The following FNDC3A variants were observed in gnomAD, a reference collection of about 807,000 sequenced individuals.
FNDC3A encodes the protein fibronectin type III domain containing 3A.
Under a neutral mutation model 148.9 loss-of-function variants are expected in FNDC3A, and 32 were observed. The ratio of observed to expected loss-of-function variants is 0.21; its 90% confidence interval spans 0.16 to 0.29. FNDC3A has a LOEUF of 0.29. FNDC3A is among the 10% of genes least tolerant of loss of function. The pLI, the probability that FNDC3A is intolerant of heterozygous loss-of-function variation, is 1.00. For missense variants in FNDC3A, 1,191 were observed against 1,452.8 expected (o/e 0.82, Z 2.93); for synonymous variants, 472 against 473.6 (o/e 1.00, Z 0.04).
chr13:48,990,013 G>A (rs1951883225), intron 1 of FNDC3A, among the ~76,000 whole-genome samples: 1 of 152,082 alleles, frequency 6.6e-6, no homozygotes, highest in African/African-American at 2.4e-5. Flanking sequence ...GCCTCCCAAA[G>A]TGCTGGGATT....
chr13:49,080,685 C>T (rs1250995109), intron 3 of FNDC3A, among the ~76,000 whole-genome samples: 2 of 152,104 alleles, frequency 1.3e-5, no homozygotes, highest in Admixed American at 1.3e-4. Context: ...GTAGCATGTG[C>T]TAAAGACTAC....
At chr13:49,086,948 A>G (rs746533212) in intron 3 of FNDC3A, among the ~76,000 whole-genome samples, 16 of 152,176 alleles carry the variant, frequency 1.1e-4, no homozygotes, top group Admixed American at 2.0e-4. Flanking sequence ...GTGAATGACT[A>G]TGATTCATTC....
intron 23 of FNDC3A, among the ~76,000 whole-genome samples, chr13:49,199,328 A>ATTTT (rs35601446): frequency 2.3e-5 from 3 of 133,176 alleles, no homozygotes; most frequent in Non-Finnish European, 3.2e-5. Context: ...GACCGAAACA[A>ATTTT]TTTTTTTTTT....
At chr13:49,095,062 A>T (rs192415212) in intron 3 of FNDC3A, among the ~76,000 whole-genome samples, 65 of 152,138 alleles carry the variant, frequency 4.3e-4, no homozygotes, top group Non-Finnish European at 5.7e-4. Flanking sequence ...TAATGTCAAC[A>T]TGAATTTCAT....
intron 4 of FNDC3A, among the ~76,000 whole-genome samples, chr13:49,124,581 T>C (rs1881575474): frequency 1.3e-5 from 2 of 152,066 alleles, no homozygotes; most frequent in Non-Finnish European, 2.9e-5. Context: ...ACTTTACACA[T>C]AAATAACCTC....
intron 5 of FNDC3A, among the ~76,000 whole-genome samples, chr13:49,135,370 A>AT (rs1416920632): frequency 1.3e-5 from 2 of 151,934 alleles, no homozygotes; most frequent in African/African-American, 2.4e-5. Flanking sequence ...ATGAAATCTA[A>AT]TTTTTTCTTT....
At chr13:48,992,965 T>G (rs1250544495) in intron 1 of FNDC3A, among the ~76,000 whole-genome samples, 1 of 152,198 alleles carries the variant, frequency 6.6e-6, no homozygotes, top group Non-Finnish European at 1.5e-5. Context: ...TTCAACTTTG[T>G]TTAATCTACA....
chr13:49,015,038 C>G (rs1952462858), intron 2 of FNDC3A, among the ~76,000 whole-genome samples: 1 of 152,058 alleles, frequency 6.6e-6, no homozygotes, highest in Admixed American at 6.5e-5. Flanking sequence ...AGCGTGATGC[C>G]TCCAGCTTTG....
chr13:49,056,832 A>T (rs1876284629), intron 2 of FNDC3A, among the ~76,000 whole-genome samples: 1 of 152,068 alleles, frequency 6.6e-6, no homozygotes, highest in Admixed American at 6.5e-5. Context: ...GTGTCTTCAG[A>T]TATTTAGACA....
intron 2 of FNDC3A, among the ~76,000 whole-genome samples, chr13:49,027,550 T>C (rs1454993841): frequency 6.6e-6 from 1 of 152,178 alleles, no homozygotes; most frequent in Non-Finnish European, 1.5e-5. Context: ...AAAAATGTAA[T>C]TAGTGTTATA....
intron 4 of FNDC3A, among the ~76,000 whole-genome samples, chr13:49,116,956 A>G (rs756746405): frequency 1.3e-5 from 2 of 152,172 alleles, no homozygotes; most frequent in Non-Finnish European, 2.9e-5. Context: ...GGCCAGTGCA[A>G]GTGGCTAAGA....
Position 49,016,282 on chromosome 13 carries a change from C to T in FNDC3A, c.99+9993C>T, listed in dbSNP as rs539922048. ...ATTGATTATTGCCACAATTTCAGCT[C>T]CTGTTATTGGTCTATTCAGAGATTC... is the stretch of plus-strand genomic sequence containing the variant. On this transcript the variant is annotated intron_variant, in intron 2 of 25. Coordinates refer to ENST00000492622, the MANE Select transcript of FNDC3A (RefSeq NM_001079673.2). Among the ~76,000 whole-genome samples, 578 of 152,188 alleles carry T rather than the reference C, an allele frequency of 3.8e-3. 4 individuals are homozygous for T. The highest frequency in any genetic ancestry group is 0.013 in the African/African-American group (544 of 41,532).
chr13:49,024,177 G>C (rs1437050751), intron 2 of FNDC3A, among the ~76,000 whole-genome samples: 1 of 151,956 alleles, frequency 6.6e-6, no homozygotes, highest in Non-Finnish European at 1.5e-5. Flanking sequence ...ATTGGAACAA[G>C]AAGAAGTAGA....
intron 1 of FNDC3A, among the ~76,000 whole-genome samples, chr13:48,994,646 CGCA>C (rs1951989091): frequency 6.6e-6 from 1 of 151,992 alleles, no homozygotes; most frequent in South Asian, 2.1e-4. Flanking sequence ...GGCGTGGTGG[CGCA>C]TGCCTGTAAT....
intron 3 of FNDC3A, among the ~76,000 whole-genome samples, chr13:49,104,494 AGCCCAGGTG>A (rs55861281): frequency 1 from 151,535 of 152,074 alleles, 75,503 homozygotes; most frequent in Middle Eastern, 1. Flanking sequence ...ACTGCACTCC[AGCCCAGGTG>A]GCCCAGGTGA....
chr13:49,177,905 G>A (rs1274770086), intron 13 of FNDC3A, among the ~76,000 whole-genome samples: 2 of 152,296 alleles, frequency 1.3e-5, no homozygotes, highest in Non-Finnish European at 1.5e-5. Context: ...CCCAAAAAAG[G>A]ACAGGCTTTT....
At chr13:49,091,478 A>T (rs575944091) in intron 3 of FNDC3A, among the ~76,000 whole-genome samples, 63 of 152,348 alleles carry the variant, frequency 4.1e-4, no homozygotes, top group African/African-American at 1.4e-3. Context: ...ATCTGTATGT[A>T]ATCACACATC....
chr13:49,003,628 G>T (rs1457746573), intron 1 of FNDC3A, among the ~76,000 whole-genome samples: 2 of 151,830 alleles, frequency 1.3e-5, no homozygotes, highest in South Asian at 2.1e-4. Flanking sequence ...CTGTCCCAAG[G>T]TTATGAAGAT....
chr13:49,092,404 A>T (rs1879247627), intron 3 of FNDC3A, among the ~76,000 whole-genome samples: 1 of 152,200 alleles, frequency 6.6e-6, no homozygotes, highest in Non-Finnish European at 1.5e-5. Flanking sequence ...ATGTCTCAAC[A>T]GTCTCTCTTT....
Sources: gnomAD v4.1 joint callset for allele counts (sites outside exome capture counted in the v4.1 genomes callset) on GRCh38, gnomAD v4.1.1 for gene constraint, MANE v1.5 for transcripts, NCBI Gene and HGNC (gene_info 2026-07-23, HGNC 2026-07-21) for gene names.